The following CHDH variants were observed in gnomAD, a reference collection of about 807,000 sequenced individuals.
CHDH encodes choline dehydrogenase, mitochondrial.
A neutral mutation model predicts 56.9 loss-of-function variants in CHDH; 43 were observed. The observed-to-expected ratio is 0.76, with a 90% CI of 0.59 to 0.97. The LOEUF is 0.97. Among genes scored for constraint, CHDH ranks in the 50% least tolerant of loss-of-function variants. CHDH has a pLI of 0.00. For missense variants in CHDH, 816 were observed against 821.1 expected (o/e 0.99, Z 0.08); for synonymous variants, 364 against 348.5 (o/e 1.04, Z -0.50).
intron 2 of CHDH, among the ~76,000 whole-genome samples, chr3:53,828,162 GACACAC>G (rs60594351): frequency 0.038 from 5,591 of 145,228 alleles, 243 homozygotes; most frequent in East Asian, 0.2. Flanking sequence ...GGAATAACTA[GACACAC>G]ACACACACAC....
chr3:53,835,543 G>A (rs1698468884), intron 2 of CHDH, among the ~76,000 whole-genome samples: 1 of 152,232 alleles, frequency 6.6e-6, no homozygotes, highest in Non-Finnish European at 1.5e-5. Flanking sequence ...GCCAAAGGAG[G>A]ATTCAGGGCA....
chr3:53,846,211 A>C lies in CHDH; in HGVS notation c.-259T>G. 2 of 192,510 alleles carry C rather than the reference A, an allele frequency of 1.0e-5. No individual in the cohort carries two copies. Among genetic ancestry groups the C allele is most frequent in the Non-Finnish European group, 1.1e-5 (1 of 95,020 alleles). 11.9% of individuals were successfully genotyped at this position (192,510 alleles called of 1,614,324 possible). A position where few individuals can be genotyped will look rare whatever the true frequency, so the allele number is the denominator to read the frequency against. ...CGCCCCGCGCGCTCTCTGCGTCCGG[A>C]ATGGGGACGCAGCAGTTCCGACCCG... On this transcript the variant is annotated 5_prime_UTR_variant, in exon 1 of 9. The change creates a new upstream start codon in the 5' untranslated region. Transcript: ENST00000315251.
At chr3:53,821,526 G>A in intron 5 of CHDH, 121 bp downstream of exon 5, 1 of 871,126 alleles carries the variant, frequency 1.1e-6, no homozygotes. Context: ...CGGGGACAAT[G>A]TGATAGTTCC....
chr3:53,818,321 G>A, intron 8 of CHDH, 126 bp from the exon 9 acceptor site: 2 of 846,498 alleles, frequency 2.4e-6, no homozygotes, highest in Non-Finnish European at 1.8e-6. Context: ...AAAGTTCAGG[G>A]CCATGGGGGA....
rs897293490 is a variant in CHDH at position 53,845,654 on chromosome 3, C to G, written c.-131+429G>C. The stretch of plus-strand genomic sequence containing the variant: ...GGTGGAGGCTCGTTAAATGCAGATC[C>G]CGGGCCTGACCCGGACCTGCCGTCT... On this transcript the variant is annotated intron_variant, in intron 1 of 8. Transcript: ENST00000315251. Among the ~76,000 whole-genome samples, 6 of 152,286 alleles carry G rather than the reference C, an allele frequency of 3.9e-5. No homozygotes were observed. In the East Asian group the frequency reaches 7.7e-4, roughly 20 times the overall value.
rs1288597403 is a variant in CHDH at position 53,813,628 on chromosome 3, G to GTACT, written c.*4145_*4148dup. The GTACT allele has an allele frequency of 7.2e-5, 11 of 152,330 alleles. No homozygotes were observed. The highest frequency in any genetic ancestry group is 6.2e-4 in the South Asian group (3 of 4,824). 9.4% of individuals were successfully genotyped at this position (152,330 alleles called of 1,614,324 possible). A position where few individuals can be genotyped will look rare whatever the true frequency, so the allele number is the denominator to read the frequency against. On this transcript the variant is annotated 3_prime_UTR_variant, in exon 9 of 9. Coordinates refer to ENST00000315251, the MANE Select transcript of CHDH (RefSeq NM_018397.5). ...GAGGCGATGATCTTTTCCAAAGTCA[G>GTACT]TACTTACAAACTGGCATTCTTACAG...
Position 53,815,749 on chromosome 3 carries a change from GCA to G in CHDH, c.*2026_*2027del, listed in dbSNP as rs2095614641. 6.6e-6 allele frequency: 1 copy of G among 152,236 alleles called. No homozygotes were observed. Among genetic ancestry groups the G allele is most frequent in the Non-Finnish European group, 1.5e-5 (1 of 68,072 alleles). The allele number at this position is 152,236 out of a possible 1,614,324, so 9.4% of individuals were successfully genotyped here. The stretch of plus-strand genomic sequence containing the variant: ...TACCTGTTCCAGAGAAGAAGGGTCA[GCA>G]CAGTCATGGTTGGTCCAGGACTATC... On this transcript the variant is annotated 3_prime_UTR_variant, in exon 9 of 9. Transcript: ENST00000315251.
intron 1 of CHDH, among the ~76,000 whole-genome samples, chr3:53,844,132 C>G (rs565928563): frequency 6.6e-6 from 1 of 152,332 alleles, no homozygotes; most frequent in Admixed American, 6.5e-5. Context: ...CCAGGTATCA[C>G]CCCATCCCTA....
In CHDH at chr3:53,823,309, C is replaced by T; in HGVS notation, c.700G>A (p.Glu234Lys). 6.4e-7 allele frequency: 1 copy of T among 1,552,404 alleles called. No homozygotes were observed. Among genetic ancestry groups the T allele is most frequent in the Non-Finnish European group, 8.7e-7 (1 of 1,147,216 alleles). Residue 234 changes from glutamate to lysine, a missense_variant, in exon 3 of 9, where the codon GAA (glutamate) becomes AAA (lysine). By Grantham distance (56) the Glu-to-Lys change is moderately conservative. Transcript: ENST00000315251. Reference protein sequence around the residue: ...GFGWMDMTIHEGKRWSAACAY... With the variant: ...GFGWMDMTIHKGKRWSAACAY... Reference sequence around the variant, plus strand: ...AAAAGAGAAGGGAGACCACTACCTTCATGGATGGTCATGTCCATCCAGCCG... The same window carrying T: ...AAAAGAGAAGGGAGACCACTACCTTTATGGATGGTCATGTCCATCCAGCCG...
At position 53,815,871 on chromosome 3, in the gene CHDH, T is replaced by A. The variant is rs917596960; in HGVS notation, c.*1906A>T. ...ACCTGAACTCCTGTTTCTGCACTCT[T>A]GCAGGCAGCCCCGAGACCCAGGTGA... On this transcript the variant is annotated 3_prime_UTR_variant, in exon 9 of 9. Transcript: ENST00000315251. 2.0e-5 allele frequency: 3 copies of A among 152,232 alleles called. No individual in the cohort carries two copies. The highest frequency in any genetic ancestry group is 7.2e-5 in the African/African-American group (3 of 41,452). The allele number at this position is 152,232 out of a possible 1,614,324, so 9.4% of individuals were successfully genotyped here.
At chr3:53,820,404 C>A in intron 6 of CHDH, 70 bp downstream of exon 6, 2 of 1,529,700 alleles carry the variant, frequency 1.3e-6, no homozygotes, top group South Asian at 1.3e-5. Context: ...AACCCCTGTT[C>A]AGCTCCTCAG....
chr3:53,836,768 A>G (rs1251920613), intron 2 of CHDH, among the ~76,000 whole-genome samples: 5 of 152,302 alleles, frequency 3.3e-5, no homozygotes, highest in African/African-American at 1.2e-4. Flanking sequence ...GTGGATGCTG[A>G]GCTCATACAC....
chr3:53,842,608 C>T (rs1559765854), intron 1 of CHDH, among the ~76,000 whole-genome samples: 1 of 152,194 alleles, frequency 6.6e-6, no homozygotes, highest in Non-Finnish European at 1.5e-5. Context: ...TGTATGTGAC[C>T]TCAAGGGGTT....
At position 53,841,490 on chromosome 3, in the gene CHDH, G is replaced by A. The variant is rs1309996114; in HGVS notation, c.-130-491C>T. On this transcript the variant is annotated intron_variant, in intron 1 of 8. Transcript: ENST00000315251. ...GCTGGAGTGCAGTGGCAGCTTCACA[G>A]CTCACTGCAAGGTCCAGGTTGTGTG... 2.6e-5 allele frequency among the ~76,000 whole-genome samples: 4 copies of A among 152,212 alleles called. No homozygotes were observed. In the South Asian group the frequency reaches 8.3e-4, roughly 32 times the overall value.
At chr3:53,818,227 T>A in intron 8 of CHDH, 32 bp from the exon 9 acceptor site, 1 of 1,553,072 alleles carries the variant, frequency 6.4e-7, no homozygotes, top group Non-Finnish European at 8.7e-7. Flanking sequence ...TGAGGACCCC[T>A]CCTTTTGCCC....
At chr3:53,828,299 A>G (rs1469351220) in intron 2 of CHDH, among the ~76,000 whole-genome samples, 2 of 152,180 alleles carry the variant, frequency 1.3e-5, no homozygotes, top group Non-Finnish European at 2.9e-5. Flanking sequence ...CTCCTAGAAG[A>G]TAACACAGGA....
In CHDH at chr3:53,817,984, G is replaced by C. The variant is rs761184371; in HGVS notation, c.1578C>G (p.Ala526=). Residue 526 remains alanine, a synonymous_variant, in exon 9 of 9, where the codon GCC becomes GCG. Coordinates refer to ENST00000315251, the MANE Select transcript of CHDH (RefSeq NM_018397.5). ...CKMGQPSDPT[A]VVDPQTRVLG... ...GGACCCTTGTCTGCGGATCCACCAC[G>C]GCAGTGGGATCGGAGGGCTGGCCCA... 1 of 1,614,182 alleles carries C rather than the reference G, an allele frequency of 6.2e-7. No homozygotes were observed. Among genetic ancestry groups the C allele is most frequent in the Admixed American group, 1.7e-5 (1 of 60,026 alleles).
chr3:53,813,441 TTCGGTGC>T lies in CHDH; in HGVS notation c.*4329_*4335del, dbSNP rs2095609430. Reference sequence around the variant, plus strand: ...TGGATATTCTTATCCTCCTGGTTCCTTCGGTGCCAATGGTAACCTAATACCAGCCGCA... The same window carrying T: ...TGGATATTCTTATCCTCCTGGTTCCTCAATGGTAACCTAATACCAGCCGCA... On this transcript the variant is annotated 3_prime_UTR_variant, in exon 9 of 9. Coordinates refer to ENST00000315251, the MANE Select transcript of CHDH (RefSeq NM_018397.5). The T allele has an allele frequency of 6.6e-6, 1 of 152,248 alleles. No individual in the cohort carries two copies. The highest frequency in any genetic ancestry group is 2.4e-5 in the African/African-American group (1 of 41,458). 9.4% of individuals were successfully genotyped at this position (152,248 alleles called of 1,614,324 possible). A position where few individuals can be genotyped will look rare whatever the true frequency, so the allele number is the denominator to read the frequency against.
chr3:53,819,427 C>T lies in CHDH; in HGVS notation c.1263+105G>A. On this transcript the variant is annotated intron_variant, in intron 7 of 8. Coordinates refer to ENST00000315251, the MANE Select transcript of CHDH (RefSeq NM_018397.5). This position sits in a 1 kb window ranked among gnomAD's most constrained non-coding sequence, Gnocchi z 5.4. ...ACAGGCCTCTGTGTCCCCCACTCTG[C>T]AGCCATATGGCACCAGGGAGAATGC... The T allele has an allele frequency of 2.1e-6, 3 of 1,442,854 alleles. No individual in the cohort carries two copies. Among genetic ancestry groups the T allele is most frequent in the Non-Finnish European group, 2.8e-6 (3 of 1,065,486 alleles). 89.4% of individuals were successfully genotyped at this position (1,442,854 alleles called of 1,614,324 possible). A position where few individuals can be genotyped will look rare whatever the true frequency, so the allele number is the denominator to read the frequency against.
Sources: allele counts gnomAD v4.1 joint callset (sites outside exome capture counted in the v4.1 genomes callset), GRCh38; gene constraint gnomAD v4.1.1; non-coding constraint Gnocchi (gnomAD v3.1); transcripts MANE v1.5; gene names NCBI Gene and HGNC (gene_info 2026-07-23, HGNC 2026-07-21).